The following DSCAM variants were observed in gnomAD, a reference collection of about 807,000 sequenced individuals.
DSCAM encodes DS cell adhesion molecule, also known as cell adhesion molecule DSCAM.
DSCAM carries 47 observed loss-of-function variants against 217.7 expected under a neutral mutation model. That is an observed-to-expected ratio of 0.22 (90% confidence interval 0.17 to 0.28). The LOEUF (loss-of-function observed/expected upper bound fraction) is 0.28. Ranked by LOEUF, DSCAM falls within the 10% of genes least tolerant of loss-of-function variation. The pLI, the probability that DSCAM is intolerant of heterozygous loss-of-function variation, is 1.00. For missense variants in DSCAM, 2,080 were observed against 2,618.3 expected, an observed-to-expected ratio of 0.79 and a Z score of 4.49; for synonymous variants, 1,056 against 1,015.3, an observed-to-expected ratio of 1.04 and a Z score of -0.76.
intron 20 of DSCAM, among the ~76,000 whole-genome samples, chr21:40,105,704 T>C (rs557432850): frequency 6.6e-6 from 1 of 152,180 alleles, no homozygotes; most frequent in South Asian, 2.1e-4. Flanking sequence ...GTGAATAGGA[T>C]AACAGGGAAA....
intron 1 of DSCAM, among the ~76,000 whole-genome samples, chr21:40,712,469 C>CAAAAAA (rs571819417): frequency 1.5e-4 from 4 of 27,334 alleles, no homozygotes; most frequent in Non-Finnish European, 1.7e-4. Flanking sequence ...GACTCCGTCT[C>CAAAAAA]AAAAAAAAAA....
intron 11 of DSCAM, among the ~76,000 whole-genome samples, chr21:40,220,386 C>T (rs916060432): frequency 6.6e-6 from 1 of 152,192 alleles, no homozygotes; most frequent in East Asian, 1.9e-4. Context: ...ACAGAATGGA[C>T]TGTACAACAA....
chr21:40,591,439 A>G (rs1568925701), intron 3 of DSCAM, among the ~76,000 whole-genome samples: 1 of 152,226 alleles, frequency 6.6e-6, no homozygotes, highest in Non-Finnish European at 1.5e-5. Flanking sequence ...ATATAAAGCC[A>G]TTTGTTAAAA....
At chr21:40,364,287 A>G (rs1465451017) in intron 4 of DSCAM, among the ~76,000 whole-genome samples, 1 of 152,208 alleles carries the variant, frequency 6.6e-6, no homozygotes, top group African/African-American at 2.4e-5. Context: ...CCAAATGCCC[A>G]ACAATGATAG....
intron 1 of DSCAM, among the ~76,000 whole-genome samples, chr21:40,717,396 G>A (rs563138289): frequency 6.6e-6 from 1 of 152,342 alleles, no homozygotes; most frequent in African/African-American, 2.4e-5. Context: ...GTTTAAAGCA[G>A]CATTATGTAT....
intron 16 of DSCAM, among the ~76,000 whole-genome samples, chr21:40,155,128 GT>G (rs2090462554): frequency 6.6e-6 from 1 of 152,254 alleles, no homozygotes; most frequent in Middle Eastern, 3.4e-3. Flanking sequence ...TTTGAATTCT[GT>G]TGTTCCTCAT....
intron 1 of DSCAM, among the ~76,000 whole-genome samples, chr21:40,783,417 T>C (rs1348833677): frequency 1.3e-5 from 2 of 152,192 alleles, no homozygotes; most frequent in African/African-American, 2.4e-5. Flanking sequence ...TTAAACCTGC[T>C]ACTATCTGCA....
intron 15 of DSCAM, among the ~76,000 whole-genome samples, chr21:40,167,853 C>G (rs906655846): frequency 1.3e-5 from 2 of 152,150 alleles, no homozygotes; most frequent in Non-Finnish European, 2.9e-5. Flanking sequence ...ATCACGAGAT[C>G]AGGAGATTGA....
chr21:40,759,759 T>A (rs1047500060), intron 1 of DSCAM, among the ~76,000 whole-genome samples: 5 of 152,090 alleles, frequency 3.3e-5, no homozygotes, highest in African/African-American at 7.2e-5. Flanking sequence ...AGCCTGCCCC[T>A]GGCAGCAGTC....
chr21:40,048,987 C>A (rs985429261), intron 30 of DSCAM, among the ~76,000 whole-genome samples: 1 of 152,132 alleles, frequency 6.6e-6, no homozygotes, highest in African/African-American at 2.4e-5. Flanking sequence ...AATGATCCAG[C>A]AGATCTTTTA....
intron 3 of DSCAM, among the ~76,000 whole-genome samples, chr21:40,486,539 G>C (rs2076030118): frequency 6.6e-6 from 1 of 151,964 alleles, no homozygotes; most frequent in Non-Finnish European, 1.5e-5. Flanking sequence ...GGGAGGGAGG[G>C]GGAAGGAGAA....
intron 3 of DSCAM, among the ~76,000 whole-genome samples, chr21:40,395,201 T>C (rs2075168028): frequency 6.6e-6 from 1 of 152,206 alleles, no homozygotes. Context: ...GCAGTATTTT[T>C]AACTTGAGAA....
chr21:40,585,318 T>A (rs1006359893), intron 3 of DSCAM, among the ~76,000 whole-genome samples: 3 of 148,182 alleles, frequency 2.0e-5, no homozygotes, highest in Non-Finnish European at 3.0e-5. Context: ...CTCTATTGAG[T>A]GTTAAAGAAA....
At chr21:40,637,729 A>G (rs565001400) in intron 3 of DSCAM, among the ~76,000 whole-genome samples, 1 of 144,356 alleles carries the variant, frequency 6.9e-6, no homozygotes, top group Admixed American at 7.4e-5. Context: ...CTGGAGTGCA[A>G]TGGCATGATG....
intron 1 of DSCAM, among the ~76,000 whole-genome samples, chr21:40,725,998 G>A (rs1008669800): frequency 4.6e-5 from 7 of 151,986 alleles, no homozygotes; most frequent in African/African-American, 1.2e-4. Flanking sequence ...GAAAACAGAC[G>A]GTACAACATA....
At chr21:40,810,912 A>C (rs2091832134) in intron 1 of DSCAM, among the ~76,000 whole-genome samples, 1 of 149,190 alleles carries the variant, frequency 6.7e-6, no homozygotes, top group Non-Finnish European at 1.5e-5. Flanking sequence ...CTCTAAAAAA[A>C]ATGCTATAGT....
intron 32 of DSCAM, among the ~76,000 whole-genome samples, chr21:40,025,754 TTC>T (rs1191018388): frequency 5.3e-5 from 8 of 150,890 alleles, no homozygotes; most frequent in Admixed American, 4.0e-4. Flanking sequence ...TATTTGATTC[TTC>T]TCTCTTTTTC....
At chr21:40,064,494 A>G (rs2089176902) in intron 27 of DSCAM, among the ~76,000 whole-genome samples, 1 of 152,166 alleles carries the variant, frequency 6.6e-6, no homozygotes, top group Non-Finnish European at 1.5e-5. Flanking sequence ...AGAGCTCCCC[A>G]CAATGACTGC....
intron 18 of DSCAM, among the ~76,000 whole-genome samples, chr21:40,139,197 T>C (rs747788337): frequency 9.2e-5 from 14 of 151,618 alleles, no homozygotes; most frequent in Non-Finnish European, 1.3e-4. Context: ...CCTGAAAACC[T>C]GAGACAGGTC....
Sources: gnomAD v4.1 joint callset for allele counts (sites outside exome capture counted in the v4.1 genomes callset) on GRCh38, gnomAD v4.1.1 for gene constraint, MANE v1.5 for transcripts, NCBI Gene and HGNC (gene_info 2026-07-23, HGNC 2026-07-21) for gene names.